The following TYW1B variants were observed in gnomAD, a reference collection of about 807,000 sequenced individuals.
TYW1B encodes the protein tRNA-yW synthesizing protein 1 homolog B.
A neutral mutation model predicts 86.9 loss-of-function variants in TYW1B; 73 were observed. The observed-to-expected ratio is 0.84, with a 90% CI of 0.70 to 1.02. The LOEUF is 1.02. Among genes scored for constraint, TYW1B ranks in the 50% least tolerant of loss-of-function variants. The pLI is 0.00. For missense variants in TYW1B, 637 were observed against 827.4 expected (o/e 0.77, Z 2.82); for synonymous variants, 248 against 292.8 (o/e 0.85, Z 1.56).
intron 6 of TYW1B, among the ~76,000 whole-genome samples, chr7:72,799,566 C>T (rs1258267497): frequency 1.4e-4 from 21 of 150,462 alleles, no homozygotes; most frequent in African/African-American, 4.9e-4. Context: ...CCCAGGTTCA[C>T]GCCATTCTCT....
At chr7:72,680,538 T>A (rs1813849917) in intron 11 of TYW1B, among the ~76,000 whole-genome samples, 2 of 151,896 alleles carry the variant, frequency 1.3e-5, no homozygotes, top group Admixed American at 1.3e-4. Flanking sequence ...TCAGCTTCCC[T>A]ACTTCTGAGG....
At chr7:72,645,781 G>A (rs1255581840) in intron 11 of TYW1B, among the ~76,000 whole-genome samples, 3 of 151,928 alleles carry the variant, frequency 2.0e-5, no homozygotes, top group Non-Finnish European at 4.4e-5. Flanking sequence ...AGGGGCTGAT[G>A]ACCAGGAAAG....
At chr7:72,738,209 T>C (rs1554461380) in intron 8 of TYW1B, among the ~76,000 whole-genome samples, 3 of 151,792 alleles carry the variant, frequency 2.0e-5, no homozygotes, top group African/African-American at 7.3e-5. Flanking sequence ...GCCTCCCAAG[T>C]AGCTGGGATT....
At chr7:72,637,635 CT>C (rs1405391245) in intron 11 of TYW1B, among the ~76,000 whole-genome samples, 1 of 149,532 alleles carries the variant, frequency 6.7e-6, no homozygotes, top group Non-Finnish European at 1.5e-5. Flanking sequence ...AATTTCTGCT[CT>C]TTTTGTTTCC....
At chr7:72,798,014 C>T (rs148116363) in intron 6 of TYW1B, among the ~76,000 whole-genome samples, 102,682 of 147,894 alleles carry the variant, frequency 0.69, 35,964 homozygotes, top group Non-Finnish European at 0.77. Context: ...TATATATACA[C>T]ACACACACAC....
At chr7:72,687,429 C>T (rs1445389279) in intron 11 of TYW1B, among the ~76,000 whole-genome samples, 1 of 151,748 alleles carries the variant, frequency 6.6e-6, no homozygotes, top group African/African-American at 2.4e-5. Flanking sequence ...AGTGAAACTC[C>T]ACCTCAAAAA....
At chr7:72,717,188 C>A (rs1786805547) in intron 9 of TYW1B, among the ~76,000 whole-genome samples, 1 of 151,806 alleles carries the variant, frequency 6.6e-6, no homozygotes, top group East Asian at 2.0e-4. Flanking sequence ...GTAGGCCCAG[C>A]TACTCAGGAG....
At chr7:72,710,125 C>A (rs34880597) in intron 10 of TYW1B, among the ~76,000 whole-genome samples, 3 of 152,088 alleles carry the variant, frequency 2.0e-5, no homozygotes, top group Admixed American at 6.5e-5. Flanking sequence ...GATGGCATTC[C>A]CAGACAATTC....
intron 2 of TYW1B, among the ~76,000 whole-genome samples, chr7:72,825,856 T>G (rs1387396067): frequency 2.6e-5 from 4 of 151,888 alleles, no homozygotes; most frequent in Non-Finnish European, 5.9e-5. Context: ...AAAGGCCCCC[T>G]CAAGACAGTG....
chr7:72,811,081 C>A (rs1266901918), intron 3 of TYW1B, among the ~76,000 whole-genome samples: 2 of 151,772 alleles, frequency 1.3e-5, no homozygotes, highest in Non-Finnish European at 2.9e-5. Flanking sequence ...ACCATCCTGG[C>A]TAACACGGTG....
At chr7:72,661,148 G>A (rs73135141) in intron 11 of TYW1B, among the ~76,000 whole-genome samples, 308 of 120,096 alleles carry the variant, frequency 2.6e-3, no homozygotes, top group African/African-American at 5.7e-3. Flanking sequence ...AAAAAAAAAA[G>A]AAGAAGAAGA....
chr7:72,719,655 A>G (rs1259509092), intron 9 of TYW1B, among the ~76,000 whole-genome samples: 1 of 137,694 alleles, frequency 7.3e-6, no homozygotes, highest in Non-Finnish European at 1.6e-5. Context: ...AAAAAAAAAG[A>G]AGGTGATAGG....
chr7:72,735,679 G>A (rs1161189875), intron 8 of TYW1B, among the ~76,000 whole-genome samples: 1 of 151,984 alleles, frequency 6.6e-6, no homozygotes, highest in Non-Finnish European at 1.5e-5. Flanking sequence ...AGATCAGTCT[G>A]GCCAACTTGG....
chr7:72,619,275 C>G (rs1554437497), intron 12 of TYW1B, among the ~76,000 whole-genome samples: 1 of 152,186 alleles, frequency 6.6e-6, no homozygotes, highest in African/African-American at 2.4e-5. Flanking sequence ...TCCAGAGCAT[C>G]AGGCAGTGAG....
At chr7:72,827,015 T>A in intron 1 of TYW1B, 30 bp from the exon 2 acceptor site, 2 of 1,586,026 alleles carry the variant, frequency 1.3e-6, no homozygotes, top group African/African-American at 2.7e-5. Context: ...CACAGATAAT[T>A]TCATTTAAAG....
At chr7:72,633,499 A>C (rs1449304971) in intron 11 of TYW1B, among the ~76,000 whole-genome samples, 2 of 152,228 alleles carry the variant, frequency 1.3e-5, no homozygotes, top group Non-Finnish European at 2.9e-5. Flanking sequence ...AAATGTACAC[A>C]AAACATGAAT....
At chr7:72,676,267 G>C (rs538894706) in intron 11 of TYW1B, among the ~76,000 whole-genome samples, 2 of 152,230 alleles carry the variant, frequency 1.3e-5, no homozygotes, top group African/African-American at 4.8e-5. Flanking sequence ...CAATATCTAC[G>C]ACTCATATAA....
chr7:72,777,095 A>G (rs1201626124), intron 7 of TYW1B, among the ~76,000 whole-genome samples: 1 of 152,180 alleles, frequency 6.6e-6, no homozygotes, highest in Non-Finnish European at 1.5e-5. Context: ...ATACCTCTAC[A>G]TAAACACTTC....
Position 72,699,328 on chromosome 7 carries a change from G to GA in TYW1B, c.1371-4507dup, listed in dbSNP as rs200069340. ...TCTAACATGGCAAATGGAATTGGGG[G>GA]ATGCCTGCAGCCAGGTCTCATGTCC... On this transcript the variant is annotated intron_variant, in intron 10 of 13. Transcript: ENST00000620995. Among the ~76,000 whole-genome samples, 153 of 152,256 alleles carry GA rather than the reference G, an allele frequency of 1.0e-3. 5 individuals are homozygous for GA. The East Asian group carries it at 0.027, about 27-fold the overall frequency.
Sources: allele counts gnomAD v4.1 joint callset (sites outside exome capture counted in the v4.1 genomes callset), GRCh38; gene constraint gnomAD v4.1.1; transcripts MANE v1.5; gene names NCBI Gene and HGNC (gene_info 2026-07-23, HGNC 2026-07-21).